CCDC192: variants seen among roughly 807,000 people sequenced by gnomAD.
CCDC192 encodes coiled-coil domain containing 192, also known as coiled-coil domain-containing protein 192.
chr5:127,785,199 C>A (rs1580654559), intron 3 of CCDC192: 1 of 527,546 alleles, frequency 1.9e-6, no homozygotes, highest in East Asian at 5.4e-5. Flanking sequence ...ACTGATATAA[C>A]CATGTCAATT....
intron 2 of CCDC192, among the ~76,000 whole-genome samples, chr5:127,738,753 A>G (rs185041376): frequency 6.6e-6 from 1 of 152,138 alleles, no homozygotes; most frequent in Non-Finnish European, 1.5e-5. Context: ...TTCGTCACGT[A>G]GTTCTCGAGC....
intron 6 of CCDC192, among the ~76,000 whole-genome samples, chr5:127,930,995 G>A (rs1391749057): frequency 3.3e-5 from 5 of 152,188 alleles, no homozygotes; most frequent in African/African-American, 1.2e-4. Context: ...ATCTTTCTGT[G>A]ATACTGTTCT....
rs568102098 is a variant in CCDC192, at chr5:127,884,898, C to G, written c.535+9237C>G. On this transcript the variant is annotated intron_variant, in intron 6 of 6. Transcript: ENST00000514853. ...CTTCCTTTGCGAGAGGTCTGGAAAT[C>G]TATTTATTTTGTAATTAACAAAGGG... 1.2e-4 allele frequency among the ~76,000 whole-genome samples: 18 copies of G among 152,130 alleles called. 1 individual carries two copies. In the South Asian group the frequency reaches 3.3e-3, roughly 28 times the overall value.
chr5:127,730,307 C>T (rs1029502467), intron 2 of CCDC192, among the ~76,000 whole-genome samples: 2 of 152,104 alleles, frequency 1.3e-5, no homozygotes, highest in Non-Finnish European at 2.9e-5. Context: ...TATATATCCT[C>T]CCAAGACTGA....
intron 5 of CCDC192, among the ~76,000 whole-genome samples, chr5:127,873,652 A>G (rs1751950923): frequency 6.6e-6 from 1 of 151,992 alleles, no homozygotes; most frequent in Non-Finnish European, 1.5e-5. Flanking sequence ...CACTTTCTCA[A>G]TTTTCATTTC....
intron 6 of CCDC192, among the ~76,000 whole-genome samples, chr5:127,933,439 G>A (rs1252301397): frequency 2.6e-5 from 4 of 152,172 alleles, no homozygotes; most frequent in African/African-American, 4.8e-5. Flanking sequence ...GTGAGTATAT[G>A]CCTCAGACTG....
chr5:127,830,926 C>G (rs61021904), intron 5 of CCDC192, among the ~76,000 whole-genome samples: 1,528 of 152,208 alleles, frequency 0.01, 15 homozygotes, highest in African/African-American at 0.035. Flanking sequence ...TTTTGGCAAC[C>G]TATGGAAATC....
rs150377693 is a variant in CCDC192, at chr5:127,928,360, A to C, written c.536-12822A>C. Reference sequence around the variant, plus strand: ...TTTCTTTGTCTTTTCCATCTTCTTTAGGCCACTTACATTCCTTGGCTTGTA... The same window carrying C: ...TTTCTTTGTCTTTTCCATCTTCTTTCGGCCACTTACATTCCTTGGCTTGTA... On this transcript the variant is annotated intron_variant, in intron 6 of 6. Coordinates refer to ENST00000514853, the MANE Select transcript of CCDC192 (RefSeq NM_001317938.2). Among the ~76,000 whole-genome samples, 11 of 152,316 alleles carry C rather than the reference A, an allele frequency of 7.2e-5. No individual in the cohort carries two copies. In the East Asian group the frequency reaches 2.1e-3, roughly 29 times the overall value.
intron 6 of CCDC192, among the ~76,000 whole-genome samples, chr5:127,885,074 C>T (rs1343207222): frequency 6.6e-6 from 1 of 151,482 alleles, no homozygotes; most frequent in East Asian, 1.9e-4. Flanking sequence ...GTGTTCCCTT[C>T]CTTCTGTCCA....
intron 5 of CCDC192, among the ~76,000 whole-genome samples, chr5:127,823,596 A>G (rs1458948406): frequency 6.6e-6 from 1 of 152,056 alleles, no homozygotes; most frequent in African/African-American, 2.4e-5. Flanking sequence ...ATAAATTTCT[A>G]TTTTCAAGCC....
At chr5:127,768,135 C>A (rs1269198595) in intron 3 of CCDC192, among the ~76,000 whole-genome samples, 2 of 151,974 alleles carry the variant, frequency 1.3e-5, no homozygotes, top group Admixed American at 6.6e-5. Flanking sequence ...GCCTGTAATC[C>A]CAGCTACTCA....
At chr5:127,758,827 G>A (rs1387868896) in intron 3 of CCDC192, among the ~76,000 whole-genome samples, 1 of 152,140 alleles carries the variant, frequency 6.6e-6, no homozygotes, top group Admixed American at 6.5e-5. Flanking sequence ...AATATAAGAG[G>A]ACAAGGAAAG....
intron 2 of CCDC192, among the ~76,000 whole-genome samples, chr5:127,730,341 A>G (rs911854272): frequency 1.3e-5 from 2 of 152,206 alleles, no homozygotes; most frequent in African/African-American, 4.8e-5. Flanking sequence ...TGATATCTGA[A>G]TAGACCAATT....
intron 5 of CCDC192, among the ~76,000 whole-genome samples, chr5:127,806,650 T>C (rs2126990480): frequency 6.6e-6 from 1 of 152,270 alleles, no homozygotes; most frequent in South Asian, 2.1e-4. Flanking sequence ...AATCCCTATT[T>C]ACTTGCTGAA....
intron 3 of CCDC192, among the ~76,000 whole-genome samples, chr5:127,759,933 G>A (rs1296421362): frequency 6.6e-6 from 1 of 151,980 alleles, no homozygotes; most frequent in African/African-American, 2.4e-5. Flanking sequence ...GTCTGTTTCT[G>A]TCCATTATCT....
At chr5:127,867,502 A>C (rs1751663631) in intron 5 of CCDC192, among the ~76,000 whole-genome samples, 1 of 152,310 alleles carries the variant, frequency 6.6e-6, no homozygotes, top group East Asian at 1.9e-4. Flanking sequence ...CAATGATACT[A>C]TACCAACAAC....
At chr5:127,857,043 T>G (rs245188) in intron 5 of CCDC192, among the ~76,000 whole-genome samples, 147,016 of 152,292 alleles carry the variant, frequency 0.97, 71,008 homozygotes, top group East Asian at 1. Context: ...GAAAAATGTG[T>G]TGTCTGAGAA....
At chr5:127,855,161 G>C (rs1438273114) in intron 5 of CCDC192, among the ~76,000 whole-genome samples, 1 of 152,132 alleles carries the variant, frequency 6.6e-6, no homozygotes, top group East Asian at 1.9e-4. Context: ...GAAAGATTCT[G>C]TAGTATGCCA....
At chr5:127,791,221 C>T (rs1410769669) in intron 3 of CCDC192, among the ~76,000 whole-genome samples, 1 of 152,126 alleles carries the variant, frequency 6.6e-6, no homozygotes, top group Non-Finnish European at 1.5e-5. Context: ...TGCAAATCTA[C>T]TCAGAAAATT....
Sources: gnomAD v4.1 joint callset for allele counts (sites outside exome capture counted in the v4.1 genomes callset) on GRCh38, gnomAD v4.1.1 for gene constraint, MANE v1.5 for transcripts, NCBI Gene and HGNC (gene_info 2026-07-23, HGNC 2026-07-21) for gene names.